The following MUC13 variants were observed in gnomAD, a reference collection of about 807,000 sequenced individuals.
MUC13 encodes the protein mucin-13.
A neutral mutation model predicts 48.3 loss-of-function variants in MUC13; 32 were observed. That is an observed-to-expected ratio of 0.66 (90% CI 0.50 to 0.89). The LOEUF (loss-of-function observed/expected upper bound fraction) is 0.89. Ranked by LOEUF, MUC13 falls within the 40% of genes least tolerant of loss-of-function variation. MUC13 has a pLI of 0.00. For synonymous variants in MUC13, 199 were observed against 224.9 expected, an observed-to-expected ratio of 0.88 and a Z score of 1.03; for missense variants, 571 against 622.8, an observed-to-expected ratio of 0.92 and a Z score of 0.88.
intron 1 of MUC13, among the ~76,000 whole-genome samples, chr3:124,933,684 A>T (rs957711181): frequency 1.3e-5 from 2 of 152,168 alleles, no homozygotes; most frequent in African/African-American, 4.8e-5. Context: ...TGTAACCTCA[A>T]GATGGTGTAT....
At chr3:124,917,063 G>A (rs6778290) in intron 5 of MUC13, among the ~76,000 whole-genome samples, 24,661 of 152,010 alleles carry the variant, frequency 0.16, 2,031 homozygotes, top group Middle Eastern at 0.19. Context: ...CCGGGGCTGC[G>A]GGAAACATGA....
At chr3:124,917,412 T>A (rs1264493465) in intron 5 of MUC13, among the ~76,000 whole-genome samples, 1 of 151,054 alleles carries the variant, frequency 6.6e-6, no homozygotes, top group East Asian at 1.9e-4. Context: ...GGTGGTGAGA[T>A]CACGTCTTAC....
chr3:124,917,548 C>A (rs142279247), intron 5 of MUC13, among the ~76,000 whole-genome samples: 2 of 152,188 alleles, frequency 1.3e-5, no homozygotes, highest in East Asian at 3.9e-4. Flanking sequence ...ATGCAGAAGC[C>A]TGAAAATATA....
At position 124,928,922 on chromosome 3, in the gene MUC13, G is replaced by A. The variant is rs188960203; in HGVS notation, c.53-929C>T. On this transcript the variant is annotated intron_variant, in intron 1 of 11. Coordinates refer to ENST00000616727, the MANE Select transcript of MUC13 (RefSeq NM_033049.4). ...TGAGGGAGGGAAAGGTTAGGGTTGG[G>A]TAATTTAAAGAATAATAAAATAAAA... Among the ~76,000 whole-genome samples, 480 of 152,120 alleles carry A rather than the reference G, an allele frequency of 3.2e-3. 2 individuals are homozygous for A. Among genetic ancestry groups the A allele is most frequent in the Non-Finnish European group, 5.8e-3 (393 of 67,988 alleles).
intron 2 of MUC13, among the ~76,000 whole-genome samples, chr3:124,926,424 C>T (rs991665860): frequency 3.3e-5 from 5 of 152,206 alleles, no homozygotes; most frequent in Admixed American, 1.3e-4. Context: ...CTTTCCTGAT[C>T]CCAGGACAGC....
Position 124,923,346 on chromosome 3 carries a change from C to T in MUC13, c.637+181G>A, listed in dbSNP as rs191310992. Among the ~76,000 whole-genome samples the T allele has an allele frequency of 9.7e-4, 148 of 152,278 alleles. 1 individual carries two copies. In the Middle Eastern group the frequency reaches 0.017, roughly 17 times the overall value. The stretch of plus-strand genomic sequence containing the variant: ...GACTGTGTGGTCTTTGATAGATCAC[C>T]TTGTTCTGCCTCAGTGTCCCTAGGT... On this transcript the variant is annotated intron_variant, in intron 3 of 11. Transcript: ENST00000616727.
In MUC13 at chr3:124,911,406, T is replaced by C. The variant is rs1323238792; in HGVS notation, c.1252+698A>G. Among the ~76,000 whole-genome samples, 6 of 152,168 alleles carry C rather than the reference T, an allele frequency of 3.9e-5. No individual in the cohort carries two copies. The East Asian group carries it at 1.2e-3, about 29-fold the overall frequency. ...ACTTCTCATTTTATAGATGTGGAAA[T>C]TGAAAGCCCTGAAGAAAGACTTAGC... is the stretch of plus-strand genomic sequence containing the variant. On this transcript the variant is annotated intron_variant, in intron 9 of 11. Coordinates refer to ENST00000616727, the MANE Select transcript of MUC13 (RefSeq NM_033049.4).
At chr3:124,914,020 C>T (rs1935469395) in intron 6 of MUC13, among the ~76,000 whole-genome samples, 1 of 152,058 alleles carries the variant, frequency 6.6e-6, no homozygotes, top group South Asian at 2.1e-4. Context: ...CATGATCATG[C>T]CACTGCACTC....
chr3:124,913,146 G>C lies in MUC13; in HGVS notation c.1179C>G (p.Pro393=). The change falls in exon 8 of 12, where the codon CCC becomes CCG. Residue 393 remains proline, a synonymous_variant. Coordinates refer to ENST00000616727, the MANE Select transcript of MUC13 (RefSeq NM_033049.4). The part of the protein sequence containing the change: ...SGGAPECACV[P]GYQEDANGNC... ...TCCCATTAGCATCTTCCTGGTAGCC[G>C]GGCACGCACGCACACTCAGGGGCCC... The C allele has an allele frequency of 6.2e-7, 1 of 1,613,688 alleles. No individual in the cohort carries two copies. The highest frequency in any genetic ancestry group is 1.7e-5 in the Admixed American group (1 of 59,954).
At chr3:124,912,184 T>C in intron 8 of MUC13, 43 bp from the exon 9 acceptor site, 2 of 1,605,538 alleles carry the variant, frequency 1.2e-6, no homozygotes, top group East Asian at 2.2e-5. Context: ...AAAGAGCCCC[T>C]GTGGGGAGCA....
chr3:124,908,737 C>T (rs528386526), intron 10 of MUC13, among the ~76,000 whole-genome samples: 1 of 152,322 alleles, frequency 6.6e-6, no homozygotes, highest in East Asian at 1.9e-4. Flanking sequence ...CAATCTAATT[C>T]CACTGGCCTC....
intron 8 of MUC13, 194 bp from the exon 9 acceptor site, chr3:124,912,335 G>T: frequency 2.8e-6 from 2 of 722,754 alleles, no homozygotes; most frequent in Non-Finnish European, 4.4e-6. Flanking sequence ...GGTTCTGGAA[G>T]GGTGAGGGGG....
At chr3:124,931,263 T>A (rs1935790510) in intron 1 of MUC13, among the ~76,000 whole-genome samples, 1 of 151,594 alleles carries the variant, frequency 6.6e-6, no homozygotes. Flanking sequence ...AAACCCTGTC[T>A]CTACTAAAAA....
In MUC13 at chr3:124,917,979, C is replaced by T. The variant is rs114312906; in HGVS notation, c.801-1499G>A. 6.9e-3 allele frequency among the ~76,000 whole-genome samples: 1,051 copies of T among 152,232 alleles called. 18 individuals carry two copies. The highest frequency in any genetic ancestry group is 0.036 in the South Asian group (172 of 4,822). The stretch of plus-strand genomic sequence containing the variant: ...ACACCTGTGAAACGGTTAAAGGGAA[C>T]ATTGGAGCCACTGCACACTTGAGTA... On this transcript the variant is annotated intron_variant, in intron 5 of 11. Coordinates refer to ENST00000616727, the MANE Select transcript of MUC13 (RefSeq NM_033049.4).
intron 10 of MUC13, 148 bp downstream of exon 10, chr3:124,910,267 C>T (rs1935396350): frequency 1.9e-6 from 2 of 1,073,796 alleles, no homozygotes; most frequent in Middle Eastern, 2.2e-4. Context: ...GGTGTGATGG[C>T]TCATGCCTGT....
At chr3:124,926,695 A>G (rs1160451413) in intron 2 of MUC13, among the ~76,000 whole-genome samples, 1 of 152,174 alleles carries the variant, frequency 6.6e-6, no homozygotes, top group African/African-American at 2.4e-5. Flanking sequence ...TTTAGGCTCT[A>G]AAGTGTGACG....
intron 3 of MUC13, among the ~76,000 whole-genome samples, chr3:124,922,730 A>G (rs370018443): frequency 0.06 from 7 of 116 alleles, no homozygotes; most frequent in South Asian, 0.5. Context: ...TTGGCCTCCC[A>G]AAGTGCTGGG....
At chr3:124,933,569 A>C (rs750183123) in intron 1 of MUC13, among the ~76,000 whole-genome samples, 1 of 152,186 alleles carries the variant, frequency 6.6e-6, no homozygotes, top group African/African-American at 2.4e-5. Context: ...TTTTGTTCCC[A>C]GATCCAATTA....
At chr3:124,920,028 G>A (rs1311214775) in intron 5 of MUC13, 1 of 615,202 alleles carries the variant, frequency 1.6e-6, no homozygotes, top group African/African-American at 1.9e-5. Flanking sequence ...GCCTTCCCCA[G>A]GCCATGCCCT....
Sources: allele counts gnomAD v4.1 joint callset (sites outside exome capture counted in the v4.1 genomes callset), GRCh38; gene constraint gnomAD v4.1.1; transcripts MANE v1.5; gene names NCBI Gene and HGNC (gene_info 2026-07-23, HGNC 2026-07-21).